The following CHIC2 variants were observed in gnomAD, a reference collection of about 807,000 sequenced individuals.
CHIC2 encodes cysteine-rich hydrophobic domain-containing protein 2.
A neutral mutation model predicts 25.9 loss-of-function variants in CHIC2; 14 were observed. That is an observed-to-expected ratio of 0.54 (90% confidence interval 0.36 to 0.85). The LOEUF (loss-of-function observed/expected upper bound fraction) is 0.85. CHIC2 is among the 40% of genes least tolerant of loss of function. CHIC2 has a pLI of 0.01. For synonymous variants in CHIC2, 70 were observed against 72.0 expected (o/e 0.97, Z 0.14); for missense variants, 146 against 202.0 (o/e 0.72, Z 1.68).
intron 1 of CHIC2, among the ~76,000 whole-genome samples, chr4:54,059,416 C>T (rs1484056732): frequency 6.6e-6 from 1 of 151,884 alleles, no homozygotes; most frequent in African/African-American, 2.4e-5. Flanking sequence ...GCAGCGTGTA[C>T]CTGTAGTTCT....
intron 3 of CHIC2, among the ~76,000 whole-genome samples, chr4:54,020,343 C>T (rs1393085415): frequency 6.6e-6 from 1 of 152,188 alleles, no homozygotes; most frequent in East Asian, 1.9e-4. Context: ...CAAAACACCA[C>T]TCCTAACTCC....
rs1197613163 is a variant in CHIC2, at chr4:54,064,316, TC to T, written c.-17del. Reference sequence around the variant, plus strand: ...AATCCGCCATCCTGAGCCTCCGAGCTCCCCTGCCCAAAGGGCCTGACTCCCG... The same window carrying T: ...AATCCGCCATCCTGAGCCTCCGAGCTCCCTGCCCAAAGGGCCTGACTCCCG... On this transcript the variant is annotated 5_prime_UTR_variant, in exon 1 of 6. Transcript: ENST00000263921. The surrounding 1 kb of genome is among the most constrained non-coding windows in gnomAD (Gnocchi z 4.2). The T allele has an allele frequency of 2.5e-6, 4 of 1,612,846 alleles. No homozygotes were observed. Among genetic ancestry groups the T allele is most frequent in the Non-Finnish European group, 2.5e-6 (3 of 1,179,438 alleles).
At chr4:54,056,948 G>C (rs1023186370) in intron 1 of CHIC2, among the ~76,000 whole-genome samples, 4 of 152,026 alleles carry the variant, frequency 2.6e-5, no homozygotes, top group African/African-American at 9.7e-5. Flanking sequence ...TCTACTTCTG[G>C]CATGTGCTAT....
At chr4:54,014,143 T>C in intron 3 of CHIC2, 24 bp from the exon 4 acceptor site, 1 of 1,611,056 alleles carries the variant, frequency 6.2e-7, no homozygotes, top group East Asian at 2.2e-5. Flanking sequence ...GAGAAAAAAG[T>C]TTACTCTTGA....
rs543629715 is a variant in CHIC2 at position 54,020,603 on chromosome 4, G to A, written c.331-6484C>T. 1.8e-4 allele frequency among the ~76,000 whole-genome samples: 27 copies of A among 152,188 alleles called. No homozygotes were observed. In the East Asian group the frequency reaches 5.2e-3, roughly 29 times the overall value. On this transcript the variant is annotated intron_variant, in intron 3 of 5. Coordinates refer to ENST00000263921, the MANE Select transcript of CHIC2 (RefSeq NM_012110.4). ...CATGAGGAGATCCACCTACAACCTC[G>A]GGTCCTCAGACCAACCAGCCCAAGG...
chr4:54,019,187 A>C, intron 3 of CHIC2, among the ~76,000 whole-genome samples: 1 of 152,128 alleles, frequency 6.6e-6, no homozygotes, highest in Admixed American at 6.5e-5. Flanking sequence ...TGTGCAGAAA[A>C]TTAAATAATT....
chr4:54,087,799 C>T, the CHIC2 span: 2 of 421,868 alleles, frequency 4.7e-6, no homozygotes, highest in Non-Finnish European at 8.9e-6. Context: ...GTCTACAGAC[C>T]ATTCACTGTT....
At chr4:54,054,303 G>GT (rs1717103376) in intron 1 of CHIC2, among the ~76,000 whole-genome samples, 1 of 152,068 alleles carries the variant, frequency 6.6e-6, no homozygotes, top group African/African-American at 2.4e-5. Context: ...TATGTTCCTT[G>GT]TATCTCCTCA....
At chr4:54,085,341 G>T in the CHIC2 span, among the ~76,000 whole-genome samples, 3 of 152,154 alleles carry the variant, frequency 2.0e-5, no homozygotes, top group African/African-American at 7.2e-5. Context: ...TCTCGTAGGG[G>T]GATGCCAATT....
At chr4:54,060,688 T>C (rs1717307232) in intron 1 of CHIC2, 1 of 152,140 alleles carries the variant, frequency 6.6e-6, no homozygotes, top group Admixed American at 6.5e-5. Context: ...TCAACATATT[T>C]TGCAAATATA....
At chr4:54,081,749 A>G in the CHIC2 span, among the ~76,000 whole-genome samples, 1 of 152,112 alleles carries the variant, frequency 6.6e-6, no homozygotes. Context: ...GTTTTTAGAG[A>G]TGAGGTCTCA....
the CHIC2 span, chr4:54,087,847 C>T: frequency 2.9e-6 from 1 of 343,298 alleles, no homozygotes; most frequent in Non-Finnish European, 5.6e-6. Flanking sequence ...TGTTCTTAGT[C>T]TTTTTCTTGT....
At position 54,059,812 on chromosome 4, in the gene CHIC2, T is replaced by C. The variant is rs545865764; in HGVS notation, c.119+4370A>G. On this transcript the variant is annotated intron_variant, in intron 1 of 5. Transcript: ENST00000263921. ...TTCATTTAGAAAATATTATAGGAAC[T>C]ATAATATTCTGGACACTATATTAAA... 2.0e-5 allele frequency: 3 copies of C among 152,320 alleles called. No individual in the cohort carries two copies. In the South Asian group the frequency reaches 6.2e-4, roughly 32 times the overall value. The allele number at this position is 152,320 out of a possible 1,614,324, so 9.4% of individuals were successfully genotyped here. A position where few individuals can be genotyped will look rare whatever the true frequency, so the allele number is the denominator to read the frequency against.
At chr4:54,060,056 C>T (rs150738880) in intron 1 of CHIC2, 1 of 152,326 alleles carries the variant, frequency 6.6e-6, no homozygotes, top group Non-Finnish European at 1.5e-5. Flanking sequence ...TGGCAACTCA[C>T]ATTCAGGTCT....
upstream of CHIC2, chr4:54,064,750 C>T: frequency 1.5e-6 from 1 of 671,566 alleles, no homozygotes; most frequent in Non-Finnish European, 1.8e-6. The surrounding 1 kb of genome is among the most constrained non-coding windows in gnomAD (Gnocchi z 4.2). Flanking sequence ...CACGTGCGGC[C>T]TCGCGCGCTC....
chr4:54,063,117 T>C (rs1249036912), intron 1 of CHIC2, among the ~76,000 whole-genome samples: 1 of 152,258 alleles, frequency 6.6e-6, no homozygotes, highest in Admixed American at 6.5e-5. Flanking sequence ...GAAGTCTTAC[T>C]GTTTCCCTAA....
At chr4:54,090,012 A>T in the CHIC2 span, among the ~76,000 whole-genome samples, 1 of 152,202 alleles carries the variant, frequency 6.6e-6, no homozygotes, top group East Asian at 1.9e-4. Flanking sequence ...CTGTATGTGA[A>T]ATATAAATGA....
chr4:54,059,837 A>G (rs1156729933), intron 1 of CHIC2: 2 of 152,196 alleles, frequency 1.3e-5, no homozygotes, highest in Non-Finnish European at 2.9e-5. Context: ...ACTATATTAA[A>G]TAGTAAAGAA....
intron 1 of CHIC2, chr4:54,059,626 T>A (rs1452870338): frequency 1.2e-4 from 19 of 152,062 alleles, no homozygotes; most frequent in Non-Finnish European, 2.5e-4. Flanking sequence ...TCCTCACAAT[T>A]ACCAGATTTC....
Sources: gnomAD v4.1 joint callset for allele counts (sites outside exome capture counted in the v4.1 genomes callset) on GRCh38, gnomAD v4.1.1 for gene constraint, Gnocchi (gnomAD v3.1) non-coding constraint, MANE v1.5 for transcripts, NCBI Gene and HGNC (gene_info 2026-07-23, HGNC 2026-07-21) for gene names.